The following DIP2C variants were observed in gnomAD, a reference collection of about 807,000 sequenced individuals.
The protein encoded by DIP2C is DIP2 acetate--CoA ligase C (putative).
Under a neutral mutation model 192.4 loss-of-function variants are expected in DIP2C, and 33 were observed. The ratio of observed to expected loss-of-function variants is 0.17; its 90% confidence interval spans 0.13 to 0.23. DIP2C has a LOEUF of 0.23. DIP2C is among the 10% of genes least tolerant of loss of function. The pLI is 1.00. For synonymous variants in DIP2C, 979 were observed against 864.1 expected, an observed-to-expected ratio of 1.13 and a Z score of -2.33; for missense variants, 1,537 against 2,110.1, an observed-to-expected ratio of 0.73 and a Z score of 5.32.
At chr10:470,673 C>T (rs560852618) in intron 3 of DIP2C, among the ~76,000 whole-genome samples, 1 of 152,216 alleles carries the variant, frequency 6.6e-6, no homozygotes, top group African/African-American at 2.4e-5. Context: ...CCTGCAGCAT[C>T]GTGGAGAGAG....
intron 1 of DIP2C, among the ~76,000 whole-genome samples, chr10:513,183 G>A (rs1479552034): frequency 6.6e-6 from 1 of 151,990 alleles, no homozygotes; most frequent in African/African-American, 2.4e-5. Context: ...TTCAGGTGCT[G>A]TATGCCTAAA....
intron 28 of DIP2C, among the ~76,000 whole-genome samples, chr10:344,161 C>G (rs1458666490): frequency 6.6e-6 from 1 of 152,210 alleles, no homozygotes; most frequent in Non-Finnish European, 1.5e-5. Flanking sequence ...AGGGTCACAG[C>G]TAACTTCAGA....
At chr10:405,474 A>T (rs1964736753) in intron 9 of DIP2C, among the ~76,000 whole-genome samples, 1 of 152,242 alleles carries the variant, frequency 6.6e-6, no homozygotes, top group Non-Finnish European at 1.5e-5. Context: ...AAAATACTTA[A>T]AGGCTCTTTT....
chr10:454,302 G>A (rs1247209564), intron 3 of DIP2C, among the ~76,000 whole-genome samples: 2 of 141,242 alleles, frequency 1.4e-5, no homozygotes, highest in East Asian at 3.9e-4. Context: ...CATTTATAGT[G>A]TTAGATAAAT....
At chr10:418,000 A>T (rs77206859) in intron 6 of DIP2C, among the ~76,000 whole-genome samples, 674 of 35,690 alleles carry the variant, frequency 0.019, 42 homozygotes, top group East Asian at 0.036. Flanking sequence ...GTCCACCTGC[A>T]CCTGTCAGGG....
intron 1 of DIP2C, among the ~76,000 whole-genome samples, chr10:623,418 G>A (rs7898821): frequency 0.035 from 5,265 of 150,222 alleles, 290 homozygotes; most frequent in African/African-American, 0.12. Context: ...TCATGAGGAC[G>A]GGTGCAGAGA....
intron 4 of DIP2C, among the ~76,000 whole-genome samples, chr10:438,441 T>C (rs1268088555): frequency 6.6e-6 from 1 of 152,218 alleles, no homozygotes; most frequent in Non-Finnish European, 1.5e-5. Context: ...ATAACATTTT[T>C]TTACCATAAG....
intron 1 of DIP2C, among the ~76,000 whole-genome samples, chr10:539,569 T>C (rs1234655404): frequency 2.0e-5 from 3 of 152,326 alleles, no homozygotes; most frequent in South Asian, 2.1e-4. Flanking sequence ...ATGGCTATAA[T>C]AGAAAATATA....
chr10:399,891 G>A (rs1385063417), intron 9 of DIP2C, among the ~76,000 whole-genome samples: 4 of 152,206 alleles, frequency 2.6e-5, no homozygotes, highest in Non-Finnish European at 5.9e-5. Context: ...TGGCCCTGCA[G>A]CAGTCTTCCC....
chr10:288,764 C>T (rs1035528221), intron 32 of DIP2C, among the ~76,000 whole-genome samples: 2 of 152,224 alleles, frequency 1.3e-5, no homozygotes, highest in African/African-American at 4.8e-5. Context: ...GGGTCACCCA[C>T]GACTGTGTTG....
At chr10:551,014 C>T (rs140931347) in intron 1 of DIP2C, among the ~76,000 whole-genome samples, 11 of 152,078 alleles carry the variant, frequency 7.2e-5, no homozygotes, top group Non-Finnish European at 5.9e-5. Context: ...CCCCGGGCCT[C>T]GATTTCCCCC....
At chr10:341,175 T>G in intron 29 of DIP2C, 24 bp downstream of exon 29, 1 of 1,613,518 alleles carries the variant, frequency 6.2e-7, no homozygotes, top group South Asian at 1.1e-5. Context: ...TTTTTTAATG[T>G]AAAGATATAG....
At chr10:357,126 T>C (rs565171380) in intron 23 of DIP2C, among the ~76,000 whole-genome samples, 15 of 152,304 alleles carry the variant, frequency 9.8e-5, no homozygotes, top group Admixed American at 8.5e-4. Flanking sequence ...CATTTCACGG[T>C]GCTGATTTTG....
intron 32 of DIP2C, among the ~76,000 whole-genome samples, chr10:300,589 G>A (rs1030854940): frequency 6.6e-6 from 1 of 152,068 alleles, no homozygotes; most frequent in East Asian, 1.9e-4. Flanking sequence ...CCGGAAACCA[G>A]GCACGGCCCT....
intron 24 of DIP2C, among the ~76,000 whole-genome samples, chr10:351,475 G>A (rs1958808069): frequency 6.6e-6 from 1 of 152,216 alleles, no homozygotes; most frequent in African/African-American, 2.4e-5. Flanking sequence ...ACTGCCCGGT[G>A]GGTCTTCAGA....
At chr10:436,137 GCCA>G (rs562078164) in intron 4 of DIP2C, among the ~76,000 whole-genome samples, 136 of 152,310 alleles carry the variant, frequency 8.9e-4, no homozygotes, top group African/African-American at 3.0e-3. Flanking sequence ...CATGTACTCA[GCCA>G]CCACGTGTGG....
rs187069938 is a variant in DIP2C, at chr10:430,776, T to G, written c.395-7743A>C. On this transcript the variant is annotated intron_variant, in intron 4 of 36. Coordinates refer to ENST00000280886, the MANE Select transcript of DIP2C (RefSeq NM_014974.3). ...AAAGTCACTAGATTTTTACCTTATC[T>G]TCTAAGAATTCTATAGTTTTGTATT... is the stretch of plus-strand genomic sequence containing the variant. Among the ~76,000 whole-genome samples the G allele has an allele frequency of 7.2e-5, 11 of 152,360 alleles. No individual in the cohort carries two copies. In the East Asian group the frequency reaches 2.1e-3, roughly 29 times the overall value.
intron 1 of DIP2C, among the ~76,000 whole-genome samples, chr10:501,553 TCAGA>T (rs1025843854): frequency 4.0e-5 from 6 of 151,852 alleles, no homozygotes; most frequent in East Asian, 3.9e-4. Flanking sequence ...GAATATCTGA[TCAGA>T]AAGAATGGGG....
At chr10:477,818 CAAG>C (rs145803099) in intron 2 of DIP2C, among the ~76,000 whole-genome samples, 6,474 of 117,924 alleles carry the variant, frequency 0.055, 509 homozygotes, top group African/African-American at 0.18. Flanking sequence ...AGAAGGAAAA[CAAG>C]AGAGAAGGAG....
Sources: allele counts gnomAD v4.1 joint callset (sites outside exome capture counted in the v4.1 genomes callset), GRCh38; gene constraint gnomAD v4.1.1; transcripts MANE v1.5; gene names NCBI Gene and HGNC (gene_info 2026-07-23, HGNC 2026-07-21).